Variants in DIRAS2 observed in about 807,000 individuals in gnomAD.
DIRAS2 encodes the protein DIRAS family GTPase 2.
Under a neutral mutation model 13.9 loss-of-function variants are expected in DIRAS2, and 5 were observed. That is an observed-to-expected ratio of 0.36 (90% CI 0.19 to 0.76). The LOEUF (loss-of-function observed/expected upper bound fraction) is 0.76, where lower values mean the gene tolerates loss of function less well. Ranked by LOEUF, DIRAS2 falls within the 30% of genes least tolerant of loss-of-function variation. DIRAS2 has a pLI of 0.53. For synonymous variants in DIRAS2, 111 were observed against 105.4 expected (o/e 1.05, Z -0.33); for missense variants, 191 against 263.0 (o/e 0.73, Z 1.89).
chr9:90,638,471 G>A (rs1825390090), intron 1 of DIRAS2, among the ~76,000 whole-genome samples: 1 of 152,136 alleles, frequency 6.6e-6, no homozygotes, highest in Admixed American at 6.5e-5. Flanking sequence ...TACATTTTGT[G>A]GTCTGCTACC....
intron 1 of DIRAS2, among the ~76,000 whole-genome samples, chr9:90,637,433 CG>C (rs1825381383): frequency 6.6e-6 from 1 of 152,134 alleles, no homozygotes; most frequent in South Asian, 2.1e-4. Flanking sequence ...CAGAATCAAA[CG>C]GTAGGTACAC....
Position 90,613,216 on chromosome 9 carries a change from C to G in DIRAS2, c.*12G>C. 1 of 1,601,482 alleles carries G rather than the reference C, an allele frequency of 6.2e-7. No homozygotes were observed. The highest frequency in any genetic ancestry group is 8.5e-7 in the Non-Finnish European group (1 of 1,172,912). On this transcript the variant is annotated 3_prime_UTR_variant, in exon 2 of 2. Coordinates refer to ENST00000375765, the MANE Select transcript of DIRAS2 (RefSeq NM_017594.5). The surrounding 1 kb of genome is among the most constrained non-coding windows in gnomAD (Gnocchi z 5.6). ...CGGGGACACACAGCTGCTCCTCCCG[C>G]AGGAAGGGCCTTCACATGATCACGC...
chr9:90,624,016 A>G (rs1406309722), intron 1 of DIRAS2, among the ~76,000 whole-genome samples: 2 of 152,222 alleles, frequency 1.3e-5, no homozygotes, highest in Non-Finnish European at 2.9e-5. Flanking sequence ...AGGTTTACAA[A>G]GCTAAAAGGT....
intron 1 of DIRAS2, among the ~76,000 whole-genome samples, chr9:90,640,319 G>A (rs1441750146): frequency 6.6e-6 from 1 of 152,188 alleles, no homozygotes; most frequent in East Asian, 1.9e-4. Flanking sequence ...TGAGAGCAAA[G>A]AAGGAGAGAA....
Position 90,613,446 on chromosome 9 carries a change from T to C in DIRAS2, c.382A>G (p.Ser128Gly). The change falls in exon 2 of 2, where the codon AGC (serine) becomes GGC (glycine). Residue 128 changes from serine (S) to glycine (G), a missense_variant. Coordinates refer to ENST00000375765, the MANE Select transcript of DIRAS2 (RefSeq NM_017594.5). The surrounding 1 kb of genome is among the most constrained non-coding windows in gnomAD (Gnocchi z 5.6). ...GCCTCGCTGCTCTGCACCTCGCGGCTGGGGCTCTCATCACACTTGTTCCCC... is the reference window on the plus strand; with the variant it reads ...GCCTCGCTGCTCTGCACCTCGCGGCCGGGGCTCTCATCACACTTGTTCCCC... ...LVGNKCDESP[S>G]REVQSSEAEA... The C allele has an allele frequency of 6.2e-7, 1 of 1,614,090 alleles. No homozygotes were observed.
At chr9:90,624,274 T>C (rs1825247618) in intron 1 of DIRAS2, among the ~76,000 whole-genome samples, 1 of 152,278 alleles carries the variant, frequency 6.6e-6, no homozygotes, top group Admixed American at 6.5e-5. Flanking sequence ...GTTTACTTTA[T>C]ATTCCTTCTT....
intron 1 of DIRAS2, among the ~76,000 whole-genome samples, chr9:90,630,699 G>A (rs954197296): frequency 4.6e-5 from 7 of 152,182 alleles, no homozygotes; most frequent in South Asian, 2.1e-4. Context: ...TACAAAAAGC[G>A]CTGTTTTAAG....
At chr9:90,614,907 A>G (rs1228420024) in intron 1 of DIRAS2, among the ~76,000 whole-genome samples, 1 of 151,874 alleles carries the variant, frequency 6.6e-6, no homozygotes, top group Non-Finnish European at 1.5e-5. Flanking sequence ...CTTAATTTAC[A>G]ATCTATCAAA....
At chr9:90,621,358 G>A (rs1393102363) in intron 1 of DIRAS2, among the ~76,000 whole-genome samples, 1 of 152,110 alleles carries the variant, frequency 6.6e-6, no homozygotes, top group East Asian at 1.9e-4. Context: ...GGAAGCAGGA[G>A]TCACCGGGGC....
chr9:90,630,361 G>A lies in DIRAS2; in HGVS notation c.-37+12391C>T, dbSNP rs142783539. 2.7e-3 allele frequency among the ~76,000 whole-genome samples: 409 copies of A among 152,292 alleles called. 3 individuals are homozygous for A. The highest frequency in any genetic ancestry group is 9.5e-3 in the African/African-American group (393 of 41,566). ...TTAAAACCACTCAAAGGTTGGCAAC[G>A]GCAATTGAAATAAAAACTTACACAA... On this transcript the variant is annotated intron_variant, in intron 1 of 1. Transcript: ENST00000375765.
chr9:90,616,217 C>G (rs1244096552), intron 1 of DIRAS2, among the ~76,000 whole-genome samples: 1 of 152,160 alleles, frequency 6.6e-6, no homozygotes, highest in African/African-American at 2.4e-5. Flanking sequence ...AAATGCTAAA[C>G]ATAAAATAAA....
chr9:90,641,879 G>A (rs540990067), intron 1 of DIRAS2, among the ~76,000 whole-genome samples: 53 of 152,216 alleles, frequency 3.5e-4, no homozygotes, highest in Non-Finnish European at 6.3e-4. Flanking sequence ...GGGCAAATAT[G>A]TAAAATAAAT....
At chr9:90,619,093 C>T (rs1825195590) in intron 1 of DIRAS2, among the ~76,000 whole-genome samples, 1 of 152,058 alleles carries the variant, frequency 6.6e-6, no homozygotes, top group African/African-American at 2.4e-5. Context: ...GAGCCAAGAT[C>T]TCACCACTGC....
chr9:90,617,885 A>G (rs1270173626), intron 1 of DIRAS2, among the ~76,000 whole-genome samples: 1 of 152,246 alleles, frequency 6.6e-6, no homozygotes, highest in Admixed American at 6.5e-5. Context: ...TGCAAAACAT[A>G]TCTGGAAATT....
intron 1 of DIRAS2, among the ~76,000 whole-genome samples, chr9:90,632,039 G>C (rs1026580166): frequency 5.9e-5 from 9 of 152,134 alleles, no homozygotes; most frequent in Admixed American, 2.0e-4. Flanking sequence ...ACTCCACCAT[G>C]AATCACTTTC....
At chr9:90,640,218 A>G (rs975140224) in intron 1 of DIRAS2, among the ~76,000 whole-genome samples, 31 of 152,196 alleles carry the variant, frequency 2.0e-4, no homozygotes, top group African/African-American at 7.5e-4. Context: ...ACACATTTCA[A>G]TTCTATTGTA....
Position 90,611,159 on chromosome 9 carries a change from G to C in DIRAS2, c.*2069C>G, listed in dbSNP as rs556614755. On this transcript the variant is annotated 3_prime_UTR_variant, in exon 2 of 2. Transcript: ENST00000375765. ...AGAATAGAAACAGAAAAAAAATGTCGGGACAAGTTGAAAAACAAATGTTCC... is the reference window on the plus strand; with the variant it reads ...AGAATAGAAACAGAAAAAAAATGTCCGGACAAGTTGAAAAACAAATGTTCC... 1 of 152,122 alleles carries C rather than the reference G, an allele frequency of 6.6e-6. No individual in the cohort carries two copies. The highest frequency in any genetic ancestry group is 1.9e-4 in the East Asian group (1 of 5,198). 9.4% of individuals were successfully genotyped at this position (152,122 alleles called of 1,614,324 possible).
intron 1 of DIRAS2, among the ~76,000 whole-genome samples, chr9:90,622,794 T>A (rs1357992021): frequency 2.6e-5 from 4 of 152,194 alleles, no homozygotes; most frequent in African/African-American, 9.7e-5. Flanking sequence ...TAACCTTGGA[T>A]TTATGAAGAT....
At chr9:90,614,306 ATGTGTGTG>A (rs34548591) in intron 1 of DIRAS2, among the ~76,000 whole-genome samples, 4,233 of 134,896 alleles carry the variant, frequency 0.031, 105 homozygotes, top group African/African-American at 0.069. Flanking sequence ...GGTCATCATA[ATGTGTGTG>A]TGTGTGTGTG....
Sources: allele counts gnomAD v4.1 joint callset (sites outside exome capture counted in the v4.1 genomes callset), GRCh38; gene constraint gnomAD v4.1.1; non-coding constraint Gnocchi (gnomAD v3.1); transcripts MANE v1.5; gene names NCBI Gene and HGNC (gene_info 2026-07-23, HGNC 2026-07-21).